Variants in SLFN12L observed in about 807,000 individuals in gnomAD.
SLFN12L encodes schlafen family member 12-like.
In SLFN12L, 34 loss-of-function variants were observed where a neutral mutation model predicts 34.8. The ratio of observed to expected loss-of-function variants is 0.98; its 90% CI spans 0.74 to 1.30. The LOEUF (loss-of-function observed/expected upper bound fraction) is 1.30. Ranked by LOEUF, SLFN12L falls within the 50% of genes most tolerant of loss-of-function variation. SLFN12L has a pLI of 0.00. For synonymous variants in SLFN12L, 259 were observed against 247.5 expected, an observed-to-expected ratio of 1.05 and a Z score of -0.44; for missense variants, 703 against 696.2, an observed-to-expected ratio of 1.01 and a Z score of -0.11.
At chr17:35,496,564 C>T (rs1182813752) in intron 2 of SLFN12L, among the ~76,000 whole-genome samples, 1 of 150,920 alleles carries the variant, frequency 6.6e-6, no homozygotes, top group Admixed American at 6.6e-5. Flanking sequence ...CCCTCATGAC[C>T]TCGACTCCCT....
At chr17:35,514,416 C>T (rs1915748825) in intron 2 of SLFN12L, among the ~76,000 whole-genome samples, 1 of 152,372 alleles carries the variant, frequency 6.6e-6, no homozygotes, top group Non-Finnish European at 1.5e-5. Flanking sequence ...AATGTGCATT[C>T]TTCAGTTTCT....
chr17:35,527,184 C>T (rs2072344872), intron 1 of SLFN12L, among the ~76,000 whole-genome samples: 1 of 152,130 alleles, frequency 6.6e-6, no homozygotes, highest in South Asian at 2.1e-4. Flanking sequence ...CCTGAATAGA[C>T]CAATAACAGC....
intron 2 of SLFN12L, 180 bp from the exon 3 acceptor site, chr17:35,480,375 C>T: frequency 2.1e-6 from 1 of 474,522 alleles, no homozygotes; most frequent in Non-Finnish European, 3.6e-6. Flanking sequence ...TATACTCCTA[C>T]TGAATTTTCA....
At chr17:35,499,069 A>G (rs1402469735) in intron 2 of SLFN12L, 1 of 843,204 alleles carries the variant, frequency 1.2e-6, no homozygotes, top group Non-Finnish European at 1.9e-6. Flanking sequence ...GCTGGGTTTG[A>G]CAACTCCTGT....
chr17:35,486,997 T>C (rs894227476), intron 2 of SLFN12L, among the ~76,000 whole-genome samples: 3 of 152,380 alleles, frequency 2.0e-5, no homozygotes, highest in South Asian at 2.1e-4. Context: ...CTCTTCTAGA[T>C]GATAAACCAG....
intron 2 of SLFN12L, chr17:35,498,162 C>G (rs1597855833): frequency 7.1e-6 from 3 of 420,378 alleles, no homozygotes; most frequent in East Asian, 7.2e-5. Context: ...GCGGAAGCAT[C>G]TCGATCCGGG....
chr17:35,517,013 C>A (rs529971245), intron 2 of SLFN12L, among the ~76,000 whole-genome samples: 1 of 152,324 alleles, frequency 6.6e-6, no homozygotes, highest in African/African-American at 2.4e-5. Context: ...AGCCACATAG[C>A]AAGCACTAAT....
chr17:35,530,537 GA>G (rs1371101013), intron 1 of SLFN12L, among the ~76,000 whole-genome samples: 454 of 36,606 alleles, frequency 0.012, 35 homozygotes, highest in African/African-American at 0.022. Flanking sequence ...GAAAAGAAAA[GA>G]AAAGAAAGAA....
intron 4 of SLFN12L, among the ~76,000 whole-genome samples, chr17:35,475,959 C>A (rs1232292484): frequency 6.8e-6 from 1 of 147,222 alleles, no homozygotes; most frequent in Non-Finnish European, 1.5e-5. Context: ...ATATATATAT[C>A]ATAAAACTAT....
At chr17:35,530,579 C>T (rs928427778) in intron 1 of SLFN12L, among the ~76,000 whole-genome samples, 2 of 151,036 alleles carry the variant, frequency 1.3e-5, no homozygotes, top group Admixed American at 6.6e-5. Flanking sequence ...AGAAGTTAAA[C>T]TTTTGGACTA....
chr17:35,476,517 G>GGAAA (rs1180857497), intron 4 of SLFN12L, among the ~76,000 whole-genome samples: 2 of 133,592 alleles, frequency 1.5e-5, no homozygotes, highest in East Asian at 2.5e-4. Context: ...AAGGAAGGAA[G>GGAAA]GAAAGAAGGA....
chr17:35,499,315 C>A, intron 2 of SLFN12L: 1 of 602,894 alleles, frequency 1.7e-6, no homozygotes. Context: ...TGCCATGTAA[C>A]CTGTAGCCAT....
Position 35,466,117 on chromosome 17 carries a change from C to T in SLFN12L, c.*8806G>A, listed in dbSNP as rs1913716518. Among the ~76,000 whole-genome samples the T allele has an allele frequency of 6.6e-6, 1 of 152,168 alleles. No homozygotes were observed. The highest frequency in any genetic ancestry group is 1.5e-5 in the Non-Finnish European group (1 of 68,030). The stretch of plus-strand genomic sequence containing the variant: ...AGCAACATCTCCCATTAGTGTGGTA[C>T]ATTTGTTACAATTGATTAATCTAAA... On this transcript the variant is annotated 3_prime_UTR_variant, in exon 5 of 5. Transcript: ENST00000628453.
intron 2 of SLFN12L, among the ~76,000 whole-genome samples, chr17:35,501,403 G>A (rs149911307): frequency 4.9e-4 from 74 of 152,348 alleles, no homozygotes; most frequent in African/African-American, 1.7e-3. Context: ...CACCCACAGC[G>A]TGCCTGTACC....
rs920590553 is a variant in SLFN12L at position 35,467,248 on chromosome 17, G to C, written c.*7675C>G. Among the ~76,000 whole-genome samples the C allele has an allele frequency of 2.0e-5, 3 of 152,206 alleles. No individual in the cohort carries two copies. The highest frequency in any genetic ancestry group is 7.2e-5 in the African/African-American group (3 of 41,432). On this transcript the variant is annotated 3_prime_UTR_variant, in exon 5 of 5. Coordinates refer to ENST00000628453, the MANE Select transcript of SLFN12L (RefSeq NM_001363830.2). ...CCAACCACCATACATGATGGAGCTA[G>C]GTGGAATATTACCGAATGCTGGATG...
chr17:35,499,081 T>C (rs1356373716), intron 2 of SLFN12L: 1 of 843,320 alleles, frequency 1.2e-6, no homozygotes, highest in Non-Finnish European at 1.9e-6. Flanking sequence ...AACTCCTGTA[T>C]AAAACTTTGG....
intron 2 of SLFN12L, among the ~76,000 whole-genome samples, chr17:35,482,304 G>C (rs1253687164): frequency 6.6e-6 from 1 of 152,252 alleles, no homozygotes; most frequent in Non-Finnish European, 1.5e-5. Flanking sequence ...GATCCCTCAT[G>C]AATGAGATTA....
In SLFN12L at chr17:35,480,185, G is replaced by C. The variant is rs1278515366; in HGVS notation, c.97C>G (p.Leu33Val). ...FLRNFIRKEF[L>V]RGNGLAAGKM... ...CCAGCAGCTAAGCCATTTCCACGCAGAAATTCTTTTCTGTAAAATAGAGCC... is the reference window on the plus strand; with the variant it reads ...CCAGCAGCTAAGCCATTTCCACGCACAAATTCTTTTCTGTAAAATAGAGCC... The change falls in exon 3 of 5, where the codon CTG (leucine) becomes GTG (valine). Residue 33 changes from leucine (L) to valine (V), a missense_variant. Coordinates refer to ENST00000628453, the MANE Select transcript of SLFN12L (RefSeq NM_001363830.2). 5 of 1,581,672 alleles carry C rather than the reference G, an allele frequency of 3.2e-6. No individual in the cohort carries two copies. The highest frequency in any genetic ancestry group is 4.3e-6 in the Non-Finnish European group (5 of 1,164,982).
chr17:35,517,313 A>T (rs1225111361), intron 2 of SLFN12L, among the ~76,000 whole-genome samples: 2 of 152,242 alleles, frequency 1.3e-5, no homozygotes, highest in African/African-American at 2.4e-5. Context: ...TGCTACAAAG[A>T]GAATAAAATA....
Sources: gnomAD v4.1 joint callset for allele counts (sites outside exome capture counted in the v4.1 genomes callset) on GRCh38, gnomAD v4.1.1 for gene constraint, MANE v1.5 for transcripts, NCBI Gene and HGNC (gene_info 2026-07-23, HGNC 2026-07-21) for gene names.